The following DLC1 variants were observed in gnomAD, a reference collection of about 807,000 sequenced individuals.
DLC1 encodes DLC1 Rho GTPase activating protein, also known as rho GTPase-activating protein 7.
In DLC1, 54 loss-of-function variants were observed where a neutral mutation model predicts 140.3. The ratio of observed to expected loss-of-function variants is 0.38; its 90% CI spans 0.31 to 0.48. DLC1 has a LOEUF of 0.48. Ranked by LOEUF, DLC1 falls within the 20% of genes least tolerant of loss-of-function variation. The probability of loss-of-function intolerance (pLI) is 0.96; values close to 1 mark genes in which losing one functional copy is unlikely to be tolerated. For missense variants in DLC1, 2,536 were observed against 1,907.0 expected (o/e 1.33, Z -6.14); for synonymous variants, 986 against 728.1 (o/e 1.35, Z -5.70).
chr8:13,259,209 A>G (rs1830384364), intron 5 of DLC1, among the ~76,000 whole-genome samples: 1 of 151,598 alleles, frequency 6.6e-6, no homozygotes, highest in African/African-American at 2.4e-5. Context: ...CCACTCCATC[A>G]CTCCAGTGGC....
chr8:13,523,785 C>G (rs1296523047), intron 1 of DLC1, among the ~76,000 whole-genome samples: 2 of 151,828 alleles, frequency 1.3e-5, no homozygotes, highest in Non-Finnish European at 2.9e-5. Context: ...GGCATGGTAA[C>G]TATCTGGGAC....
intron 5 of DLC1, among the ~76,000 whole-genome samples, chr8:13,279,781 A>G (rs976889483): frequency 1.3e-5 from 2 of 152,196 alleles, no homozygotes; most frequent in African/African-American, 4.8e-5. Context: ...GAAATGATAG[A>G]CACAGAAAAG....
At chr8:13,345,388 T>A (rs1834281104) in intron 4 of DLC1, among the ~76,000 whole-genome samples, 1 of 151,850 alleles carries the variant, frequency 6.6e-6, no homozygotes. Context: ...AAAATGATTC[T>A]CCTTGAATCA....
At chr8:13,567,671 T>TC in intron 1 of DLC1, 1 of 1,551,862 alleles carries the variant, frequency 6.4e-7, no homozygotes, top group Non-Finnish European at 8.7e-7. Flanking sequence ...TCATTTCTAC[T>TC]CCAAGAGAGA....
rs62637614 is a variant in DLC1, at chr8:13,499,298, C to T, written c.774G>A (p.Leu258=). ...GTCCTCTGTTTGTGCAAGGAGTATC[C>T]AAGAACTCATTTTGTACTACATTGC... ...STCNVVQNEF[L]DTPCTNRGLP... is the part of the protein sequence containing the mutation. Residue 258 remains leucine, a synonymous_variant, in exon 2 of 18, where the codon TTG becomes TTA. Transcript: ENST00000276297. The T allele has an allele frequency of 0.025, 41,067 of 1,614,076 alleles. 647 individuals are homozygous for T. Among genetic ancestry groups the T allele is most frequent in the Middle Eastern group, 0.057 (343 of 6,062 alleles).
chr8:13,170,539 GC>G (rs1490375213), intron 5 of DLC1, among the ~76,000 whole-genome samples: 1 of 152,068 alleles, frequency 6.6e-6, no homozygotes, highest in Non-Finnish European at 1.5e-5. Flanking sequence ...GACCATCCTG[GC>G]CAACACGGTG....
chr8:13,429,664 G>C (rs894933623), intron 2 of DLC1, among the ~76,000 whole-genome samples: 1 of 152,184 alleles, frequency 6.6e-6, no homozygotes, highest in African/African-American at 2.4e-5. Context: ...GTGATACTCA[G>C]TAAGTATATT....
chr8:13,440,643 T>G (rs574560409), intron 2 of DLC1, among the ~76,000 whole-genome samples: 39 of 152,136 alleles, frequency 2.6e-4, no homozygotes, highest in African/African-American at 9.2e-4. Context: ...ACCACCCAAA[T>G]CTCAACTTGA....
chr8:13,135,249 G>C (rs993098309), intron 5 of DLC1, among the ~76,000 whole-genome samples: 2 of 149,648 alleles, frequency 1.3e-5, no homozygotes, highest in African/African-American at 2.5e-5. Flanking sequence ...GTGTCGCCCA[G>C]GCTGGAGTGC....
At chr8:13,499,020 A>C in intron 2 of DLC1, 29 bp downstream of exon 2, 1 of 1,544,026 alleles carries the variant, frequency 6.5e-7, no homozygotes, top group Non-Finnish European at 8.7e-7. Flanking sequence ...AAAATTTCAA[A>C]AGCCAGAGAA....
chr8:13,377,795 G>C (rs1162813848), intron 4 of DLC1, among the ~76,000 whole-genome samples: 1 of 151,926 alleles, frequency 6.6e-6, no homozygotes, highest in Non-Finnish European at 1.5e-5. Context: ...TGAATAGGTG[G>C]CGCCTAATGA....
At chr8:13,438,101 G>A (rs1189699384) in intron 2 of DLC1, among the ~76,000 whole-genome samples, 2 of 150,406 alleles carry the variant, frequency 1.3e-5, no homozygotes, top group East Asian at 3.9e-4. Context: ...TTTCTCTAAA[G>A]CAATGGTTCT....
In DLC1 at chr8:13,083,549, C is replaced by T. The variant is rs973094304; in HGVS notation, c.*2262G>A. 3 of 152,450 alleles carry T rather than the reference C, an allele frequency of 2.0e-5. No individual in the cohort carries two copies. Among genetic ancestry groups the T allele is most frequent in the African/African-American group, 7.2e-5 (3 of 41,448 alleles). 9.4% of individuals were successfully genotyped at this position (152,450 alleles called of 1,614,324 possible). The stretch of plus-strand genomic sequence containing the variant: ...CCTCAGCAGAGTTCTTGAAAATGTT[C>T]ATATCCTTCAAATTCTTCTCTTGTC... On this transcript the variant is annotated 3_prime_UTR_variant, in exon 18 of 18. Transcript: ENST00000276297.
intron 5 of DLC1, among the ~76,000 whole-genome samples, chr8:13,136,557 C>T (rs989130019): frequency 1.3e-5 from 2 of 152,190 alleles, no homozygotes; most frequent in African/African-American, 4.8e-5. Context: ...GCCGAGGCTG[C>T]AGCACAGTGG....
intron 5 of DLC1, among the ~76,000 whole-genome samples, chr8:13,167,012 C>T (rs1188585033): frequency 6.6e-6 from 1 of 152,144 alleles, no homozygotes; most frequent in Non-Finnish European, 1.5e-5. Flanking sequence ...CCTAGTTCAT[C>T]TCCTTTCAAA....
intron 1 of DLC1, among the ~76,000 whole-genome samples, chr8:13,506,187 G>T (rs569749399): frequency 1.3e-5 from 2 of 152,026 alleles, no homozygotes; most frequent in South Asian, 4.2e-4. Flanking sequence ...ATACACATAT[G>T]TATACAAATA....
intron 2 of DLC1, among the ~76,000 whole-genome samples, chr8:13,424,234 C>T (rs1248626686): frequency 6.6e-6 from 1 of 152,074 alleles, no homozygotes; most frequent in Non-Finnish European, 1.5e-5. Context: ...TTCGGTGGCT[C>T]ACCCCTATAA....
intron 2 of DLC1, among the ~76,000 whole-genome samples, chr8:13,427,494 T>C (rs904665495): frequency 6.6e-6 from 1 of 152,230 alleles, no homozygotes; most frequent in African/African-American, 2.4e-5. Context: ...AGATGAAGAT[T>C]TAAAAGCATC....
chr8:13,396,220 C>T (rs1356534028), intron 3 of DLC1, among the ~76,000 whole-genome samples: 6 of 151,782 alleles, frequency 4.0e-5, no homozygotes, highest in Admixed American at 6.6e-5. Context: ...CCACCACACC[C>T]GGCTAAATTT....
Sources: gnomAD v4.1 joint callset for allele counts (sites outside exome capture counted in the v4.1 genomes callset) on GRCh38, gnomAD v4.1.1 for gene constraint, MANE v1.5 for transcripts, NCBI Gene and HGNC (gene_info 2026-07-23, HGNC 2026-07-21) for gene names.